DOK6: variants seen among roughly 807,000 people sequenced by gnomAD.
The protein encoded by DOK6 is docking protein 6, also known as downstream of tyrosine kinase 6.
DOK6 carries 22 observed loss-of-function variants against 44.0 expected under a neutral mutation model. The observed-to-expected ratio is 0.50, with a 90% CI of 0.36 to 0.71. The LOEUF (loss-of-function observed/expected upper bound fraction) is 0.71, where lower values mean the gene tolerates loss of function less well. Among genes scored for constraint, DOK6 ranks in the 30% least tolerant of loss-of-function variants. The probability of loss-of-function intolerance (pLI) is 0.00; values close to 1 mark genes in which losing one functional copy is unlikely to be tolerated. For synonymous variants in DOK6, 166 were observed against 145.5 expected (o/e 1.14, Z -1.01); for missense variants, 340 against 416.4 (o/e 0.82, Z 1.60).
rs1023221999 is a variant in DOK6, at chr18:69,847,758, C to A, written c.*6375C>A. The stretch of plus-strand genomic sequence containing the variant: ...CATAGTTCAAGAAATAATGCTTACT[C>A]TTGTAAAAAAAAAAAATATATATAT... On this transcript the variant is annotated 3_prime_UTR_variant, in exon 8 of 8. Transcript: ENST00000382713. 5.7e-5 allele frequency: 4 copies of A among 70,366 alleles called. No homozygotes were observed. The highest frequency in any genetic ancestry group is 5.6e-5 in the Non-Finnish European group (2 of 35,434). The allele number at this position is 70,366 out of a possible 1,614,324, so 4.4% of individuals were successfully genotyped here.
intron 5 of DOK6, among the ~76,000 whole-genome samples, chr18:69,703,297 T>C (rs1161859134): frequency 6.6e-6 from 1 of 152,244 alleles, no homozygotes; most frequent in Non-Finnish European, 1.5e-5. Flanking sequence ...ATGATTTAAA[T>C]CTTTTTGTGG....
intron 7 of DOK6, among the ~76,000 whole-genome samples, chr18:69,834,793 C>G (rs1039900274): frequency 6.6e-6 from 1 of 152,182 alleles, no homozygotes; most frequent in Non-Finnish European, 1.5e-5. Context: ...TTATTAGATA[C>G]TCTGTATGTA....
At chr18:69,805,522 C>T (rs759766640) in intron 7 of DOK6, among the ~76,000 whole-genome samples, 6 of 152,242 alleles carry the variant, frequency 3.9e-5, no homozygotes, top group African/African-American at 1.4e-4. Context: ...AAAACAATTA[C>T]ACTGCAAAGT....
intron 7 of DOK6, among the ~76,000 whole-genome samples, chr18:69,823,938 T>G (rs999226248): frequency 6.6e-6 from 1 of 152,212 alleles, no homozygotes; most frequent in Non-Finnish European, 1.5e-5. Flanking sequence ...TCAAAAGTTA[T>G]AATCATTAGA....
chr18:69,779,616 G>C (rs908200411), intron 7 of DOK6, among the ~76,000 whole-genome samples: 2 of 151,368 alleles, frequency 1.3e-5, no homozygotes, highest in African/African-American at 4.9e-5. Flanking sequence ...TGATTTGTAA[G>C]GAAAAAAATA....
intron 2 of DOK6, among the ~76,000 whole-genome samples, chr18:69,585,167 CAT>C (rs1320742000): frequency 2.0e-5 from 3 of 151,898 alleles, no homozygotes; most frequent in African/African-American, 7.2e-5. Flanking sequence ...TTTAAAGCTA[CAT>C]GTTTTCTTAA....
At chr18:69,415,564 A>G (rs986035677) in intron 1 of DOK6, among the ~76,000 whole-genome samples, 2 of 152,128 alleles carry the variant, frequency 1.3e-5, no homozygotes. Context: ...TTATTTTACC[A>G]CAGTTTTACC....
intron 7 of DOK6, among the ~76,000 whole-genome samples, chr18:69,798,857 A>G (rs1037971649): frequency 2.0e-5 from 3 of 151,854 alleles, no homozygotes; most frequent in Non-Finnish European, 2.9e-5. Context: ...ACTTATTCCT[A>G]CTGTTATCCT....
At chr18:69,672,504 G>A (rs886821831) in intron 3 of DOK6, among the ~76,000 whole-genome samples, 31 of 152,266 alleles carry the variant, frequency 2.0e-4, no homozygotes, top group African/African-American at 7.2e-4. Context: ...GATTACAGGC[G>A]CGCAGCACCG....
intron 1 of DOK6, among the ~76,000 whole-genome samples, chr18:69,468,392 A>T (rs949777223): frequency 3.9e-5 from 6 of 152,208 alleles, no homozygotes; most frequent in African/African-American, 1.4e-4. Context: ...TGTGCCCCAT[A>T]AATATGTGTA....
intron 7 of DOK6, among the ~76,000 whole-genome samples, chr18:69,820,491 T>C (rs1981537438): frequency 6.6e-6 from 1 of 152,160 alleles, no homozygotes; most frequent in African/African-American, 2.4e-5. Flanking sequence ...CTACTAAGAA[T>C]GAAAAGTAAC....
chr18:69,618,014 A>G (rs762369766), intron 3 of DOK6, among the ~76,000 whole-genome samples: 1 of 152,232 alleles, frequency 6.6e-6, no homozygotes, highest in Non-Finnish European at 1.5e-5. Context: ...ATTTGGATAC[A>G]GAAACACAGA....
chr18:69,838,635 C>T (rs562361477), intron 7 of DOK6, among the ~76,000 whole-genome samples: 1 of 152,136 alleles, frequency 6.6e-6, no homozygotes, highest in East Asian at 1.9e-4. Flanking sequence ...GGGAAACAAA[C>T]CCAGAGATGA....
At chr18:69,826,639 A>G (rs984175752) in intron 7 of DOK6, among the ~76,000 whole-genome samples, 3 of 152,098 alleles carry the variant, frequency 2.0e-5, no homozygotes, top group South Asian at 2.1e-4. Context: ...CTTACTTTCT[A>G]TTGGGATGGT....
chr18:69,553,081 A>G (rs1452272014), intron 1 of DOK6, among the ~76,000 whole-genome samples: 1 of 152,268 alleles, frequency 6.6e-6, no homozygotes, highest in Non-Finnish European at 1.5e-5. Context: ...TTAAGATTTA[A>G]CATTGTGATT....
intron 3 of DOK6, among the ~76,000 whole-genome samples, chr18:69,640,130 C>T (rs573682301): frequency 6.6e-6 from 1 of 152,230 alleles, no homozygotes; most frequent in Non-Finnish European, 1.5e-5. Flanking sequence ...CAAAGGCTTG[C>T]GATGTCTCCA....
At chr18:69,574,410 T>C (rs2144605228) in intron 2 of DOK6, among the ~76,000 whole-genome samples, 2 of 152,190 alleles carry the variant, frequency 1.3e-5, no homozygotes, top group Admixed American at 1.3e-4. Context: ...TATGATTAAA[T>C]GTAGAGTGCA....
chr18:69,466,122 C>T (rs193049735), intron 1 of DOK6, among the ~76,000 whole-genome samples: 7 of 152,234 alleles, frequency 4.6e-5, no homozygotes, highest in Admixed American at 4.6e-4. Flanking sequence ...CTTATTCATC[C>T]TGTCTAGCTG....
rs140207637 is a variant in DOK6, at chr18:69,799,711, T to C, written c.857-41533T>C. 8.9e-4 allele frequency among the ~76,000 whole-genome samples: 136 copies of C among 152,208 alleles called. 1 individual carries two copies. Among genetic ancestry groups the C allele is most frequent in the African/African-American group, 3.1e-3 (128 of 41,556 alleles). On this transcript the variant is annotated intron_variant, in intron 7 of 7. Transcript: ENST00000382713. ...CAATGTCTTAAGTAATCAGACTGTT[T>C]CAGCCATTTGTGGAAGATACAGCAT...
Sources: gnomAD v4.1 joint callset for allele counts (sites outside exome capture counted in the v4.1 genomes callset) on GRCh38, gnomAD v4.1.1 for gene constraint, MANE v1.5 for transcripts, NCBI Gene and HGNC (gene_info 2026-07-23, HGNC 2026-07-21) for gene names.